TRDN: variants seen among roughly 807,000 people sequenced by gnomAD.
The protein encoded by TRDN is triadin in skeletal muscle.
A neutral mutation model predicts 149.7 loss-of-function variants in TRDN; 161 were observed. That is an observed-to-expected ratio of 1.08 (90% CI 0.95 to 1.23). TRDN has a LOEUF of 1.23. Among genes scored for constraint, TRDN ranks in the 50% most tolerant of loss-of-function variants. The probability of loss-of-function intolerance (pLI) is 0.00; values close to 1 mark genes in which losing one functional copy is unlikely to be tolerated. For synonymous variants in TRDN, 294 were observed against 250.5 expected, an observed-to-expected ratio of 1.17 and a Z score of -1.64; for missense variants, 896 against 823.5, an observed-to-expected ratio of 1.09 and a Z score of -1.08.
At chr6:123,255,269 T>C (rs2114576959) in intron 36 of TRDN, 144 bp from the exon 37 acceptor site, 1 of 398,820 alleles carries the variant, frequency 2.5e-6, no homozygotes, top group Non-Finnish European at 4.5e-6. Flanking sequence ...TCTATCCAAC[T>C]GGTACCTAAC....
chr6:123,241,032 T>C (rs1303142821), intron 38 of TRDN, among the ~76,000 whole-genome samples: 1 of 151,710 alleles, frequency 6.6e-6, no homozygotes, highest in African/African-American at 2.4e-5. Flanking sequence ...TGTTTAAGAA[T>C]TTCTGTGTTT....
chr6:123,302,694 C>G (rs1180878245), intron 24 of TRDN, among the ~76,000 whole-genome samples: 1 of 152,058 alleles, frequency 6.6e-6, no homozygotes, highest in South Asian at 2.1e-4. Flanking sequence ...AAGAGAGAAG[C>G]TTGATGTTTT....
chr6:123,433,163 A>AT (rs1562310465), intron 12 of TRDN, among the ~76,000 whole-genome samples: 3 of 15,854 alleles, frequency 1.9e-4, no homozygotes, highest in Non-Finnish European at 7.3e-4. Flanking sequence ...TATATATATA[A>AT]TATATATATA....
At chr6:123,277,215 T>A (rs1777397831) in intron 26 of TRDN, among the ~76,000 whole-genome samples, 1 of 152,042 alleles carries the variant, frequency 6.6e-6, no homozygotes, top group South Asian at 2.1e-4. Flanking sequence ...TGTAACTGAT[T>A]TAGATGATTT....
In TRDN at chr6:123,557,273, C is replaced by G. The variant is rs77327462; in HGVS notation, c.233-8661G>C. Among the ~76,000 whole-genome samples, 490 of 152,074 alleles carry G rather than the reference C, an allele frequency of 3.2e-3. 2 individuals are homozygous for G. The highest frequency in any genetic ancestry group is 0.011 in the African/African-American group (473 of 41,450). The stretch of plus-strand genomic sequence containing the variant: ...ATGAGTGAAATGTGAAATTTGGTGC[C>G]GTGACTCGGATCGGGGGACCTCCCT... On this transcript the variant is annotated intron_variant, in intron 2 of 40. Transcript: ENST00000334268.
rs1193851204 is a variant in TRDN at position 123,438,125 on chromosome 6, G to A, written c.992-3C>T. 1 of 1,576,936 alleles carries A rather than the reference G, an allele frequency of 6.3e-7. No individual in the cohort carries two copies. The highest frequency in any genetic ancestry group is 1.9e-5 in the Admixed American group (1 of 52,364). On this transcript the variant is annotated splice_region_variant and splice_polypyrimidine_tract_variant and intron_variant, in intron 11 of 40. Transcript: ENST00000334268. ...TTTCTTTTTGATATCTTCTTTTTCT[G>A]CTGGTAAAATAAGAAAGTTATAAGC...
At chr6:123,372,574 A>G (rs907946555) in intron 19 of TRDN, among the ~76,000 whole-genome samples, 9 of 152,104 alleles carry the variant, frequency 5.9e-5, no homozygotes, top group African/African-American at 2.2e-4. Context: ...TCCCAGCCCT[A>G]AGGTCCTTGA....
chr6:123,221,448 C>G (rs767267841), intron 40 of TRDN, 39 bp downstream of exon 40: 4 of 1,441,590 alleles, frequency 2.8e-6, no homozygotes, highest in East Asian at 2.4e-5. Flanking sequence ...ATCTTTAATA[C>G]AGAATGATTT....
intron 10 of TRDN, among the ~76,000 whole-genome samples, chr6:123,455,706 C>T (rs1192252141): frequency 2.0e-5 from 3 of 152,100 alleles, no homozygotes; most frequent in Non-Finnish European, 2.9e-5. Context: ...AATTTTTATG[C>T]AGAATCATTG....
chr6:123,560,294 C>T (rs769965949), intron 2 of TRDN, among the ~76,000 whole-genome samples: 18 of 152,108 alleles, frequency 1.2e-4, no homozygotes, highest in East Asian at 5.8e-4. Context: ...TGCCTTAACT[C>T]GGGCCCTCAC....
chr6:123,337,607 T>C lies in TRDN; in HGVS notation c.1420+12A>G, dbSNP rs552027300. On this transcript the variant is annotated intron_variant, in intron 22 of 40. Coordinates refer to ENST00000334268, the MANE Select transcript of TRDN (RefSeq NM_006073.4). ...ATAAATTTGTAATATTATATTAAAT[T>C]AACTCTGTTACCTTTATCTTTCAGA... is the stretch of plus-strand genomic sequence containing the variant. 3 of 1,277,626 alleles carry C rather than the reference T, an allele frequency of 2.3e-6. No homozygotes were observed. The South Asian group carries it at 4.7e-5, about 20-fold the overall frequency. 79.1% of individuals were successfully genotyped at this position (1,277,626 alleles called of 1,614,324 possible).
At chr6:123,405,115 T>C (rs954463530) in intron 12 of TRDN, among the ~76,000 whole-genome samples, 4 of 152,244 alleles carry the variant, frequency 2.6e-5, no homozygotes, top group Non-Finnish European at 4.4e-5. Context: ...CTGTAAAGCA[T>C]AATGTGTTTC....
intron 5 of TRDN, among the ~76,000 whole-genome samples, chr6:123,525,541 A>G (rs948012898): frequency 6.6e-6 from 1 of 152,008 alleles, no homozygotes; most frequent in Non-Finnish European, 1.5e-5. Context: ...ATCTCAAAAA[A>G]TGGGGAGATT....
intron 1 of TRDN, among the ~76,000 whole-genome samples, chr6:123,583,156 G>T (rs1783220251): frequency 6.6e-6 from 1 of 152,284 alleles, no homozygotes; most frequent in African/African-American, 2.4e-5. Flanking sequence ...GTTAAGAGTG[G>T]CAGTTTGGGG....
chr6:123,591,665 GA>G (rs1344359876), intron 1 of TRDN, among the ~76,000 whole-genome samples: 5 of 152,286 alleles, frequency 3.3e-5, no homozygotes, highest in African/African-American at 1.2e-4. Flanking sequence ...ATTTTAAGAA[GA>G]AAATGCAGCC....
chr6:123,531,452 A>AT (rs1780249732), intron 4 of TRDN, among the ~76,000 whole-genome samples: 1 of 152,044 alleles, frequency 6.6e-6, no homozygotes, highest in Non-Finnish European at 1.5e-5. Context: ...AGTTTTTCCA[A>AT]AAGTCTACTA....
At chr6:123,589,906 T>C (rs562277675) in intron 1 of TRDN, among the ~76,000 whole-genome samples, 100 of 152,332 alleles carry the variant, frequency 6.6e-4, no homozygotes, top group African/African-American at 2.3e-3. Context: ...AATTTTACTT[T>C]TTTCAGTATT....
At chr6:123,593,496 A>T (rs1783889222) in intron 1 of TRDN, among the ~76,000 whole-genome samples, 1 of 152,238 alleles carries the variant, frequency 6.6e-6, no homozygotes, top group Admixed American at 6.5e-5. Context: ...GTTGCCACAC[A>T]GTTCTGGAGG....
At chr6:123,522,449 G>C (rs1448661732) in intron 5 of TRDN, among the ~76,000 whole-genome samples, 5 of 148,212 alleles carry the variant, frequency 3.4e-5, no homozygotes, top group African/African-American at 9.9e-5. Context: ...GGGGGGGAAA[G>C]CCAGAGGAAA....
Sources: allele counts gnomAD v4.1 joint callset (sites outside exome capture counted in the v4.1 genomes callset), GRCh38; gene constraint gnomAD v4.1.1; transcripts MANE v1.5; gene names NCBI Gene and HGNC (gene_info 2026-07-23, HGNC 2026-07-21).